The following MYH15 variants were observed in gnomAD, a reference collection of about 807,000 sequenced individuals.
MYH15 encodes myosin heavy chain 15, also known as myosin-15.
In MYH15, 227 loss-of-function variants were observed where a neutral mutation model predicts 240.5. The ratio of observed to expected loss-of-function variants is 0.94; its 90% CI spans 0.85 to 1.05. The LOEUF (loss-of-function observed/expected upper bound fraction) is 1.05, where lower values mean the gene tolerates loss of function less well. Ranked by LOEUF, MYH15 falls within the 50% of genes least tolerant of loss-of-function variation. The pLI, the probability that MYH15 is intolerant of heterozygous loss-of-function variation, is 0.00. For missense variants in MYH15, 2,217 were observed against 2,247.5 expected, an observed-to-expected ratio of 0.99 and a Z score of 0.27; for synonymous variants, 785 against 796.7, an observed-to-expected ratio of 0.99 and a Z score of 0.25.
chr3:108,550,777 A>G, the MYH15 span: 3 of 152,900 alleles, frequency 2.0e-5, no homozygotes, highest in Admixed American at 2.0e-4. Context: ...TTATACCAAG[A>G]AAGTTTGGTC....
At chr3:108,539,347 T>A in the MYH15 span, among the ~76,000 whole-genome samples, 1 of 152,012 alleles carries the variant, frequency 6.6e-6, no homozygotes. Context: ...ATGATAGAGG[T>A]TTAGCAGGGA....
intron 1 of MYH15, among the ~76,000 whole-genome samples, chr3:108,508,350 A>G (rs2688252): frequency 0.33 from 49,709 of 152,086 alleles, 8,843 homozygotes; most frequent in East Asian, 0.61. Context: ...GAACTCTGTC[A>G]ATTTTAATTC....
At chr3:108,468,297 G>A (rs1248909542) in intron 14 of MYH15, among the ~76,000 whole-genome samples, 1 of 152,154 alleles carries the variant, frequency 6.6e-6, no homozygotes, top group Non-Finnish European at 1.5e-5. Context: ...TTACAAATAT[G>A]AAACTTTTAT....
At chr3:108,550,154 G>A in the MYH15 span, 1 of 151,506 alleles carries the variant, frequency 6.6e-6, no homozygotes, top group African/African-American at 2.4e-5. Context: ...ATGTAAAAAC[G>A]TTTCTTACAG....
chr3:108,543,494 G>A, the MYH15 span: 2 of 152,174 alleles, frequency 1.3e-5, no homozygotes, highest in Non-Finnish European at 2.9e-5. Context: ...GGGGTCCAAG[G>A]GCTTCCTGGG....
chr3:108,454,744 C>G (rs945130584), intron 20 of MYH15, among the ~76,000 whole-genome samples: 8 of 152,102 alleles, frequency 5.3e-5, no homozygotes. Context: ...AGAATGATTA[C>G]TAACAAACAA....
Position 108,441,194 on chromosome 3 carries a change from C to T in MYH15, c.2722G>A (p.Glu908Lys). 6.2e-7 allele frequency: 1 copy of T among 1,614,098 alleles called. No homozygotes were observed. The highest frequency in any genetic ancestry group is 8.5e-7 in the Non-Finnish European group (1 of 1,179,978). Residue 908 changes from glutamate (E) to lysine (K), a missense_variant, in exon 23 of 41, where the codon GAG becomes AAG. Glu to Lys is a moderately conservative substitution (Grantham distance 56). Coordinates refer to ENST00000693548, the MANE Select transcript of MYH15 (RefSeq NM_014981.3). ...EWLIKSKIQL[E>K]ARVKELSERV... is the part of the protein sequence containing the mutation. ...TCCGACAGCTCCTTTACTCTGGCCT[C>T]CAGCTGGATCTTGGATTTAATCAGC...
At chr3:108,527,814 T>C (rs1029218219) in intron 1 of MYH15, among the ~76,000 whole-genome samples, 3 of 152,226 alleles carry the variant, frequency 2.0e-5, no homozygotes, top group African/African-American at 7.2e-5. Context: ...CTCTGGGCTA[T>C]AGTTTTCTCA....
intron 21 of MYH15, among the ~76,000 whole-genome samples, chr3:108,449,554 C>T (rs534770575): frequency 9.2e-5 from 14 of 152,076 alleles, no homozygotes; most frequent in Admixed American, 2.6e-4. Flanking sequence ...TAAGTGGATC[C>T]TCATCTCACA....
intron 25 of MYH15, among the ~76,000 whole-genome samples, chr3:108,434,317 G>A (rs969817127): frequency 1.1e-4 from 17 of 151,012 alleles, no homozygotes; most frequent in Admixed American, 6.6e-5. Context: ...TGAGCAGCTG[G>A]GATTACAGGC....
At chr3:108,431,026 G>C (rs1435920774) in intron 25 of MYH15, 104 bp from the exon 26 acceptor site, 2 of 807,080 alleles carry the variant, frequency 2.5e-6, no homozygotes, top group East Asian at 5.5e-5. Flanking sequence ...ATAAATGTTT[G>C]AGGTGATAGA....
intron 36 of MYH15, among the ~76,000 whole-genome samples, chr3:108,393,511 G>A (rs924024436): frequency 6.6e-6 from 1 of 152,148 alleles, no homozygotes; most frequent in East Asian, 1.9e-4. Flanking sequence ...CATCATTTAG[G>A]AAAATCACTG....
At chr3:108,531,406 G>A (rs950591144), upstream of MYH15, among the ~76,000 whole-genome samples, 8 of 152,036 alleles carry the variant, frequency 5.3e-5, no homozygotes, top group African/African-American at 1.9e-4. Context: ...GAGTTCTCAC[G>A]GGCACTTGAA....
chr3:108,430,936 G>T lies in MYH15; in HGVS notation c.3222-14C>A, dbSNP rs1047631936. On this transcript the variant is annotated splice_polypyrimidine_tract_variant and intron_variant, in intron 25 of 40. Transcript: ENST00000693548. Reference sequence around the variant, plus strand: ...TCTAATTCTTTTCTGTTTAGAAAAAGATATCAAATACAATTGTTCAGAATA... The same window carrying T: ...TCTAATTCTTTTCTGTTTAGAAAAATATATCAAATACAATTGTTCAGAATA... The T allele has an allele frequency of 3.3e-6, 5 of 1,509,262 alleles. No homozygotes were observed. The highest frequency in any genetic ancestry group is 2.7e-5 in the African/African-American group (2 of 73,032). 93.5% of individuals were successfully genotyped at this position (1,509,262 alleles called of 1,614,324 possible). A position where few individuals can be genotyped will look rare whatever the true frequency, so the allele number is the denominator to read the frequency against.
At position 108,416,846 on chromosome 3, in the gene MYH15, T is replaced by C; in HGVS notation, c.3914A>G (p.Glu1305Gly). 5 of 1,614,088 alleles carry C rather than the reference T, an allele frequency of 3.1e-6. No individual in the cohort carries two copies. Among genetic ancestry groups the C allele is most frequent in the Non-Finnish European group, 4.2e-6 (5 of 1,179,964 alleles). ...CTTTTCCAGCTGCCCTCTCAGGTCT[T>C]CAATCTGCCGAGTGAAGTTGCTCTT... ...REKSNFTRQI[E>G]DLRGQLEKET... Residue 1305 changes from glutamate to glycine, a missense_variant, in exon 29 of 41, where the codon GAA becomes GGA. Glu to Gly is a moderately conservative substitution (Grantham distance 98). Transcript: ENST00000693548.
At chr3:108,548,850 T>A in the MYH15 span, among the ~76,000 whole-genome samples, 6 of 152,238 alleles carry the variant, frequency 3.9e-5, no homozygotes, top group Admixed American at 2.0e-4. Flanking sequence ...CATGACAGAA[T>A]CTCTTTTTAT....
At chr3:108,383,388 G>A (rs1423016137) in intron 40 of MYH15, among the ~76,000 whole-genome samples, 2 of 152,174 alleles carry the variant, frequency 1.3e-5, no homozygotes, top group Non-Finnish European at 2.9e-5. Flanking sequence ...AATACAATGT[G>A]CATGTCACTC....
At chr3:108,480,440 G>A (rs59846151) in intron 11 of MYH15, among the ~76,000 whole-genome samples, 2,207 of 152,246 alleles carry the variant, frequency 0.014, 50 homozygotes, top group African/African-American at 0.05. Flanking sequence ...ATCTAATGCC[G>A]CTATAACATA....
intron 15 of MYH15, among the ~76,000 whole-genome samples, chr3:108,463,845 A>AG (rs1424503760): frequency 4.6e-5 from 7 of 152,180 alleles, no homozygotes; most frequent in Non-Finnish European, 7.4e-5. Context: ...GAGAAAAGAA[A>AG]GGGGGGAGAG....
Sources: allele counts gnomAD v4.1 joint callset (sites outside exome capture counted in the v4.1 genomes callset), GRCh38; gene constraint gnomAD v4.1.1; transcripts MANE v1.5; gene names NCBI Gene and HGNC (gene_info 2026-07-23, HGNC 2026-07-21).